Variants in HLA-DPB1 observed in about 807,000 individuals in gnomAD.
HLA-DPB1 encodes major histocompatibility complex, class II, DP beta 1, also known as HLA class II histocompatibility antigen, DP beta 1 chain.
HLA-DPB1 carries 30 observed loss-of-function variants against 29.4 expected under a neutral mutation model. That is an observed-to-expected ratio of 1.02 (90% CI 0.76 to 1.38). HLA-DPB1 has a LOEUF of 1.38. Ranked by LOEUF, HLA-DPB1 falls within the 40% of genes most tolerant of loss-of-function variation. The pLI, the probability that HLA-DPB1 is intolerant of heterozygous loss-of-function variation, is 0.00. For synonymous variants in HLA-DPB1, 114 were observed against 134.0 expected, an observed-to-expected ratio of 0.85 and a Z score of 1.03; for missense variants, 261 against 327.5, an observed-to-expected ratio of 0.80 and a Z score of 1.57.
At chr6:33,081,119 G>A in intron 2 of HLA-DPB1, 184 bp downstream of exon 2, 1 of 674,286 alleles carries the variant, frequency 1.5e-6, no homozygotes, top group Non-Finnish European at 2.4e-6. Context: ...ACCTGGACTG[G>A]GCTGAGCATG....
Position 33,089,448 on chromosome 6 carries a change from CAGGAAG to C in HLA-DPB1, c.*2915_*2920del, listed in dbSNP as rs1227066172. Among the ~76,000 whole-genome samples, 1 of 152,208 alleles carries C rather than the reference CAGGAAG, an allele frequency of 6.6e-6. No homozygotes were observed. Among genetic ancestry groups the C allele is most frequent in the Non-Finnish European group, 1.5e-5 (1 of 68,046 alleles). On this transcript the variant is annotated 3_prime_UTR_variant, in exon 6 of 6. Transcript: ENST00000418931. ...AGGAAGCTCTGCTCATCATCGTACT[CAGGAAG>C]TCAGGCTGACAGTCTTTCTCCTGCA...
In HLA-DPB1 at chr6:33,085,101, C is replaced by A. The variant is rs1254443519; in HGVS notation, c.516C>A (p.Thr172=). Residue 172 remains threonine (T), a synonymous_variant, in exon 3 of 6, where the codon ACC becomes ACA. Transcript: ENST00000418931. Reference sequence around the variant, plus strand: ...AGGAAACAGCTGGGGTCGTGTCCACCAACCTGATCCGTAATGGAGACTGGA... The same window carrying A: ...AGGAAACAGCTGGGGTCGTGTCCACAAACCTGATCCGTAATGGAGACTGGA... ...GQEETAGVVS[T]NLIRNGDWTF... 3.1e-6 allele frequency: 5 copies of A among 1,613,694 alleles called. No individual in the cohort carries two copies. In the African/African-American group the frequency reaches 6.7e-5, roughly 22 times the overall value.
chr6:33,080,285 TA>T lies in HLA-DPB1; in HGVS notation c.101-386del. On this transcript the variant is annotated intron_variant, in intron 1 of 5. Coordinates refer to ENST00000418931, the MANE Select transcript of HLA-DPB1 (RefSeq NM_002121.6). This position sits in a 1 kb window ranked among gnomAD's most constrained non-coding sequence, Gnocchi z 4.3. ...TGGAAATGTCAGTCAGGGAGTTAAG[TA>T]GGGGGAGCAGCTCCGCCCTCCACGT... 2.6e-6 allele frequency: 1 copy of T among 389,208 alleles called. No individual in the cohort carries two copies. Among genetic ancestry groups the T allele is most frequent in the Admixed American group, 3.5e-5 (1 of 28,750 alleles). 24.1% of individuals were successfully genotyped at this position (389,208 alleles called of 1,614,324 possible).
At chr6:33,076,187 A>G (rs1695305614) in intron 1 of HLA-DPB1, 46 bp downstream of exon 1, 4 of 1,292,876 alleles carry the variant, frequency 3.1e-6, no homozygotes, top group African/African-American at 1.5e-5. Flanking sequence ...TCAGGGAACA[A>G]TTCCTAGGGG....
At position 33,080,284 on chromosome 6, in the gene HLA-DPB1, G is replaced by C. The variant is rs998737716; in HGVS notation, c.101-388G>C. On this transcript the variant is annotated intron_variant, in intron 1 of 5. Transcript: ENST00000418931. The surrounding 1 kb of genome is among the most constrained non-coding windows in gnomAD (Gnocchi z 4.3). ...ATGGAAATGTCAGTCAGGGAGTTAAGTAGGGGGAGCAGCTCCGCCCTCCAC... is the reference window on the plus strand; with the variant it reads ...ATGGAAATGTCAGTCAGGGAGTTAACTAGGGGGAGCAGCTCCGCCCTCCAC... 2.6e-6 allele frequency: 1 copy of C among 388,822 alleles called. No individual in the cohort carries two copies. The highest frequency in any genetic ancestry group is 2.1e-5 in the African/African-American group (1 of 47,720). The allele number at this position is 388,822 out of a possible 1,614,324, so 24.1% of individuals were successfully genotyped here.
At chr6:33,078,358 G>T (rs974855524) in intron 1 of HLA-DPB1, among the ~76,000 whole-genome samples, 2 of 152,128 alleles carry the variant, frequency 1.3e-5, no homozygotes, top group African/African-American at 4.8e-5. Context: ...GGGCAGGGCT[G>T]ATTCCACAAT....
At chr6:33,081,426 CA>C (rs1762862038) in intron 2 of HLA-DPB1, among the ~76,000 whole-genome samples, 1 of 151,910 alleles carries the variant, frequency 6.6e-6, no homozygotes, top group Non-Finnish European at 1.5e-5. Flanking sequence ...GGGGGAAGAG[CA>C]AAGGACCGGA....
chr6:33,077,934 G>T (rs1380131136), intron 1 of HLA-DPB1, among the ~76,000 whole-genome samples: 1 of 152,152 alleles, frequency 6.6e-6, no homozygotes, highest in Admixed American at 6.5e-5. Flanking sequence ...GTCACAGAAG[G>T]GTGCTGAGAA....
In HLA-DPB1 at chr6:33,080,308, A is replaced by T; in HGVS notation, c.101-364A>T. ...AGTAGGGGGAGCAGCTCCGCCCTCCACGTCCCCAGCTCCTCCCGCCCCTGT... is the reference window on the plus strand; with the variant it reads ...AGTAGGGGGAGCAGCTCCGCCCTCCTCGTCCCCAGCTCCTCCCGCCCCTGT... On this transcript the variant is annotated intron_variant, in intron 1 of 5. Coordinates refer to ENST00000418931, the MANE Select transcript of HLA-DPB1 (RefSeq NM_002121.6). This position sits in a 1 kb window ranked among gnomAD's most constrained non-coding sequence, Gnocchi z 4.3. 2.3e-6 allele frequency: 1 copy of T among 434,870 alleles called. No homozygotes were observed. Among genetic ancestry groups the T allele is most frequent in the Non-Finnish European group, 4.5e-6 (1 of 220,672 alleles). 26.9% of individuals were successfully genotyped at this position (434,870 alleles called of 1,614,324 possible).
intron 2 of HLA-DPB1, among the ~76,000 whole-genome samples, chr6:33,084,529 A>G (rs1763008756): frequency 6.6e-6 from 1 of 152,154 alleles, no homozygotes; most frequent in Non-Finnish European, 1.5e-5. Flanking sequence ...TCAGGCCCGT[A>G]ATCCCAGCCC....
At chr6:33,079,805 C>T (rs1415751028) in intron 1 of HLA-DPB1, 7 of 457,784 alleles carry the variant, frequency 1.5e-5, no homozygotes, top group Admixed American at 1.4e-4. Context: ...GTCACCCAGC[C>T]GGCCATCAGA....
At position 33,080,413 on chromosome 6, in the gene HLA-DPB1, T is replaced by TCGCCCCTCCCTAGTGATCACTCAGTGCC. The variant is rs1412017351; in HGVS notation, c.101-257_101-230dup. The TCGCCCCTCCCTAGTGATCACTCAGTGCC allele has an allele frequency of 5.9e-6, 4 of 674,968 alleles. No homozygotes were observed. Among genetic ancestry groups the TCGCCCCTCCCTAGTGATCACTCAGTGCC allele is most frequent in the Non-Finnish European group, 1.1e-5 (4 of 361,982 alleles). The allele number at this position is 674,968 out of a possible 1,614,324, so 41.8% of individuals were successfully genotyped here. A position where few individuals can be genotyped will look rare whatever the true frequency, so the allele number is the denominator to read the frequency against. ...GAAGGGACTGCCTTCCCCTCAGTGC[T>TCGCCCCTCCCTAGTGATCACTCAGTGCC]CGCCCCTCCCTAGTGATCACTCAGT... On this transcript the variant is annotated intron_variant, in intron 1 of 5. Coordinates refer to ENST00000418931, the MANE Select transcript of HLA-DPB1 (RefSeq NM_002121.6). This position sits in a 1 kb window ranked among gnomAD's most constrained non-coding sequence, Gnocchi z 4.3.
In HLA-DPB1 at chr6:33,080,466, TTC is replaced by T. The variant is rs998977153; in HGVS notation, c.101-198_101-197del. 3 of 755,582 alleles carry T rather than the reference TTC, an allele frequency of 4.0e-6. No individual in the cohort carries two copies. Among genetic ancestry groups the T allele is most frequent in the African/African-American group, 3.5e-5 (2 of 57,688 alleles). The allele number at this position is 755,582 out of a possible 1,614,324, so 46.8% of individuals were successfully genotyped here. On this transcript the variant is annotated intron_variant, in intron 1 of 5. Coordinates refer to ENST00000418931, the MANE Select transcript of HLA-DPB1 (RefSeq NM_002121.6). This position sits in a 1 kb window ranked among gnomAD's most constrained non-coding sequence, Gnocchi z 4.3. Reference sequence around the variant, plus strand: ...CCCTGAGCTCATTCTTTTCAGTAAATTCTCTCTCTGCGTGGTGAGAAAACAGG... The same window carrying T: ...CCCTGAGCTCATTCTTTTCAGTAAATTCTCTCTGCGTGGTGAGAAAACAGG...
intron 2 of HLA-DPB1, chr6:33,083,923 C>A (rs1409104729): frequency 3.0e-5 from 4 of 132,502 alleles, no homozygotes; most frequent in African/African-American, 1.3e-4. Context: ...ATCTGTGAGA[C>A]CTTCATGGGA....
Position 33,085,249 on chromosome 6 carries a change from C to A in HLA-DPB1, c.646+18C>A, listed in dbSNP as rs9277457. 103,768 of 1,571,354 alleles carry A rather than the reference C, an allele frequency of 0.066. 7,002 individuals are homozygous for A. Among genetic ancestry groups the A allele is most frequent in the African/African-American group, 0.34 (24,732 of 73,722 alleles). On this transcript the variant is annotated intron_variant, in intron 3 of 5. Coordinates refer to ENST00000418931, the MANE Select transcript of HLA-DPB1 (RefSeq NM_002121.6). ...GGAGTGGAGTGAGTCTCTGATGACC[C>A]TCTAGACCCCACCTCTGAAGAGCAG...
At position 33,076,999 on chromosome 6, in the gene HLA-DPB1, C is replaced by T. The variant is rs535429426; in HGVS notation, c.100+858C>T. Among the ~76,000 whole-genome samples, 38 of 151,836 alleles carry T rather than the reference C, an allele frequency of 2.5e-4. 1 individual carries two copies. Among genetic ancestry groups the T allele is most frequent in the African/African-American group, 9.2e-4 (38 of 41,368 alleles). On this transcript the variant is annotated intron_variant, in intron 1 of 5. Transcript: ENST00000418931. ...GTTTGTTACATATGTATACATGTGCCATGTTGGTGTGCTGCACCCATTAAC... is the reference window on the plus strand; with the variant it reads ...GTTTGTTACATATGTATACATGTGCTATGTTGGTGTGCTGCACCCATTAAC...
intron 2 of HLA-DPB1, among the ~76,000 whole-genome samples, chr6:33,081,476 A>G (rs1379538877): frequency 6.6e-6 from 1 of 152,086 alleles, no homozygotes; most frequent in Non-Finnish European, 1.5e-5. Context: ...CCAAGACAGA[A>G]AAGCCTGTGA....
chr6:33,088,390 A>G lies in HLA-DPB1; in HGVS notation c.*1856A>G, dbSNP rs545366585. Among the ~76,000 whole-genome samples, 1 of 152,290 alleles carries G rather than the reference A, an allele frequency of 6.6e-6. No homozygotes were observed. Among genetic ancestry groups the G allele is most frequent in the African/African-American group, 2.4e-5 (1 of 41,564 alleles). On this transcript the variant is annotated 3_prime_UTR_variant, in exon 6 of 6. Transcript: ENST00000418931. Reference sequence around the variant, plus strand: ...AACAATCTCTGGACTAACACTTGTCAGGATCAGAAGCTGAGGTATCTGCAC... The same window carrying G: ...AACAATCTCTGGACTAACACTTGTCGGGATCAGAAGCTGAGGTATCTGCAC...
At chr6:33,084,335 G>A (rs937373145) in intron 2 of HLA-DPB1, among the ~76,000 whole-genome samples, 8 of 152,088 alleles carry the variant, frequency 5.3e-5, no homozygotes, top group Admixed American at 1.3e-4. Context: ...CTGCCATTCC[G>A]CTATATACTT....
Sources: allele counts gnomAD v4.1 joint callset (sites outside exome capture counted in the v4.1 genomes callset), GRCh38; gene constraint gnomAD v4.1.1; non-coding constraint Gnocchi (gnomAD v3.1); transcripts MANE v1.5; gene names NCBI Gene and HGNC (gene_info 2026-07-23, HGNC 2026-07-21).